Variants in ST8SIA1 observed in about 807,000 individuals in gnomAD.
ST8SIA1 encodes the protein alpha-N-acetylneuraminide alpha-2,8-sialyltransferase.
A neutral mutation model predicts 35.9 loss-of-function variants in ST8SIA1; 16 were observed. That is an observed-to-expected ratio of 0.45 (90% CI 0.30 to 0.68). ST8SIA1 has a LOEUF of 0.68. ST8SIA1 is among the 30% of genes least tolerant of loss of function. ST8SIA1 has a pLI of 0.09. For synonymous variants in ST8SIA1, 170 were observed against 169.6 expected (o/e 1.00, Z -0.02); for missense variants, 383 against 453.6 (o/e 0.84, Z 1.41).
intron 2 of ST8SIA1, among the ~76,000 whole-genome samples, chr12:22,267,656 C>A (rs974135663): frequency 6.6e-6 from 1 of 152,164 alleles, no homozygotes; most frequent in Non-Finnish European, 1.5e-5. Context: ...TTTCTCCTGA[C>A]CTGCTTGGCT....
At chr12:22,220,471 G>A (rs181596358) in intron 4 of ST8SIA1, among the ~76,000 whole-genome samples, 10 of 152,116 alleles carry the variant, frequency 6.6e-5, no homozygotes, top group Admixed American at 2.6e-4. Flanking sequence ...ATTAACATAC[G>A]GATTTTTGTC....
chr12:22,218,547 G>T (rs1276042354), intron 4 of ST8SIA1, among the ~76,000 whole-genome samples: 1 of 151,800 alleles, frequency 6.6e-6, no homozygotes, highest in East Asian at 1.9e-4. Context: ...GAACCTGGGA[G>T]GCAGAGGTTG....
At chr12:22,266,220 T>C (rs1307211856) in intron 2 of ST8SIA1, among the ~76,000 whole-genome samples, 1 of 151,712 alleles carries the variant, frequency 6.6e-6, no homozygotes, top group African/African-American at 2.4e-5. Context: ...GCAGGTACAG[T>C]GTCCAATAAA....
At chr12:22,303,889 A>ACACAC (rs1273666783) in intron 1 of ST8SIA1, among the ~76,000 whole-genome samples, 2 of 107,898 alleles carry the variant, frequency 1.9e-5, no homozygotes, top group Middle Eastern at 5.2e-3. Flanking sequence ...CACACACACA[A>ACACAC]AAGTGGTGTG....
Position 22,197,766 on chromosome 12 carries a change from C to G in ST8SIA1, c.*3786G>C, listed in dbSNP as rs184488852. 2.0e-5 allele frequency: 3 copies of G among 152,290 alleles called. No individual in the cohort carries two copies. The highest frequency in any genetic ancestry group is 7.2e-5 in the African/African-American group (3 of 41,570). The allele number at this position is 152,290 out of a possible 1,614,324, so 9.4% of individuals were successfully genotyped here. ...CAATTTTTTTTAGCCAAGAGAAAGA[C>G]ATGAGACATCACAAAGCCAAACACA... On this transcript the variant is annotated 3_prime_UTR_variant, in exon 5 of 5. Transcript: ENST00000396037.
At chr12:22,291,853 C>T (rs1403728825) in intron 1 of ST8SIA1, among the ~76,000 whole-genome samples, 1 of 151,954 alleles carries the variant, frequency 6.6e-6, no homozygotes, top group African/African-American at 2.4e-5. Flanking sequence ...TATTTACTAC[C>T]TAGGAGAGTA....
At position 22,334,032 on chromosome 12, in the gene ST8SIA1, C is replaced by A. The variant is rs142528967; in HGVS notation, c.201G>T (p.Ala67=). The part of the protein sequence containing the change: ...IVQGVLQQGT[A]WRRNQTAARA... ...TGGCCGCGGTCTGGTTCCTCCTCCA[C>A]GCCGTGCCCTGTTGCAGCACCCCCT... Residue 67 remains alanine, a synonymous_variant, in exon 1 of 5, where the codon GCG becomes GCT. Transcript: ENST00000396037. 1.9e-6 allele frequency: 3 copies of A among 1,613,928 alleles called. No individual in the cohort carries two copies. In the Admixed American group the frequency reaches 5.0e-5, roughly 27 times the overall value.
At chr12:22,311,305 A>G (rs1452100397) in intron 1 of ST8SIA1, among the ~76,000 whole-genome samples, 1 of 152,120 alleles carries the variant, frequency 6.6e-6, no homozygotes, top group Non-Finnish European at 1.5e-5. Flanking sequence ...ACAGACTGCC[A>G]CCTAGAGAGA....
At chr12:22,240,350 C>T (rs1033123356) in intron 4 of ST8SIA1, among the ~76,000 whole-genome samples, 1 of 152,078 alleles carries the variant, frequency 6.6e-6, no homozygotes, top group African/African-American at 2.4e-5. Flanking sequence ...TCTCAGATAC[C>T]AACTCCATGT....
At position 22,202,028 on chromosome 12, in the gene ST8SIA1, G is replaced by C. The variant is rs773097823; in HGVS notation, c.595C>G (p.Leu199Val). ...PSIIRQRFQN[L>V]LWSRKTFVDN... ...ACAAATGTCTTTCTGGACCACAGAA[G>C]GTTCTGAAACCTATTGAAGAAAAAA... Residue 199 changes from leucine (L) to valine (V), a missense_variant, in exon 5 of 5, where the codon CTT (leucine) becomes GTT (valine). Physicochemically the swap from Leu to Val is conservative, Grantham distance 32. Coordinates refer to ENST00000396037, the MANE Select transcript of ST8SIA1 (RefSeq NM_003034.4). 1 of 1,595,398 alleles carries C rather than the reference G, an allele frequency of 6.3e-7. No individual in the cohort carries two copies. The highest frequency in any genetic ancestry group is 1.1e-5 in the South Asian group (1 of 87,244).
At chr12:22,321,002 AG>A (rs1249021584) in intron 1 of ST8SIA1, among the ~76,000 whole-genome samples, 2 of 86,608 alleles carry the variant, frequency 2.3e-5, no homozygotes, top group South Asian at 3.9e-4. Flanking sequence ...AAAGAAAGAA[AG>A]AAGAAAGAAA....
intron 2 of ST8SIA1, among the ~76,000 whole-genome samples, chr12:22,285,877 C>CAAAAAAAACAAAAAAAACAA (rs67273710): frequency 0.12 from 12,137 of 101,242 alleles, 507 homozygotes; most frequent in Middle Eastern, 0.17. Flanking sequence ...CTGTCAAAAA[C>CAAAAAAAACAAAAAAAACAA]AAAAAAAAAA....
chr12:22,304,624 T>C (rs1866361279), intron 1 of ST8SIA1, among the ~76,000 whole-genome samples: 1 of 152,218 alleles, frequency 6.6e-6, no homozygotes, highest in Non-Finnish European at 1.5e-5. Flanking sequence ...ACTAAAATAA[T>C]TATTGCAACA....
At chr12:22,255,228 G>A in intron 3 of ST8SIA1, 52 bp downstream of exon 3, 1 of 1,429,040 alleles carries the variant, frequency 7.0e-7, no homozygotes, top group South Asian at 1.1e-5. Flanking sequence ...TTATGGGAGG[G>A]GTGGGGAAAA....
At chr12:22,239,153 T>G (rs991452685) in intron 4 of ST8SIA1, among the ~76,000 whole-genome samples, 1 of 152,224 alleles carries the variant, frequency 6.6e-6, no homozygotes, top group Non-Finnish European at 1.5e-5. Context: ...CTTCTTATTA[T>G]CTTTAGCTCT....
intron 4 of ST8SIA1, among the ~76,000 whole-genome samples, chr12:22,245,272 T>C (rs1591833390): frequency 6.6e-6 from 1 of 152,238 alleles, no homozygotes; most frequent in African/African-American, 2.4e-5. Context: ...CATGGTATTA[T>C]AGTACATCTA....
chr12:22,243,702 G>A (rs1359381610), intron 4 of ST8SIA1, among the ~76,000 whole-genome samples: 1 of 152,228 alleles, frequency 6.6e-6, no homozygotes, highest in Non-Finnish European at 1.5e-5. Flanking sequence ...AACACTGACA[G>A]TGGTGCTGAT....
intron 4 of ST8SIA1, among the ~76,000 whole-genome samples, chr12:22,238,793 A>C (rs1865505299): frequency 6.6e-6 from 1 of 152,194 alleles, no homozygotes; most frequent in Admixed American, 6.5e-5. Flanking sequence ...ATACAGATAA[A>C]ATTGTTTAGA....
rs371618695 is a variant in ST8SIA1, at chr12:22,259,256, C to A, written c.382-3867G>T. On this transcript the variant is annotated intron_variant, in intron 2 of 4. Transcript: ENST00000396037. ...TATTATATCCATGCACTAGTAAATA[C>A]CACCCCCCAAAGCCCTCAAACAAAA... 3.8e-4 allele frequency among the ~76,000 whole-genome samples: 58 copies of A among 151,792 alleles called. 1 individual carries two copies. In the South Asian group the frequency reaches 0.011, roughly 29 times the overall value.
Sources: allele counts gnomAD v4.1 joint callset (sites outside exome capture counted in the v4.1 genomes callset), GRCh38; gene constraint gnomAD v4.1.1; transcripts MANE v1.5; gene names NCBI Gene and HGNC (gene_info 2026-07-23, HGNC 2026-07-21).